SHCBP1L: variants seen among roughly 807,000 people sequenced by gnomAD.
SHCBP1L encodes the protein SHC binding and spindle associated 1 like.
In SHCBP1L, 67 loss-of-function variants were observed where a neutral mutation model predicts 62.5. The ratio of observed to expected loss-of-function variants is 1.07; its 90% CI spans 0.88 to 1.31. The LOEUF is 1.31. Among genes scored for constraint, SHCBP1L ranks in the 40% most tolerant of loss-of-function variants. SHCBP1L has a pLI of 0.00. For synonymous variants in SHCBP1L, 284 were observed against 289.4 expected (o/e 0.98, Z 0.19); for missense variants, 823 against 809.8 (o/e 1.02, Z -0.20).
intron 2 of SHCBP1L, among the ~76,000 whole-genome samples, chr1:182,941,056 A>G (rs567502838): frequency 2.0e-5 from 3 of 152,294 alleles, no homozygotes; most frequent in Non-Finnish European, 1.5e-5. Flanking sequence ...TTGCCATAAA[A>G]GCATGTTAAA....
intron 1 of SHCBP1L, chr1:182,952,132 G>A (rs1651763863): frequency 9.4e-6 from 1 of 106,092 alleles, no homozygotes; most frequent in East Asian, 3.2e-4. Flanking sequence ...TCCGGCATGG[G>A]CAACAAGAAT....
chr1:182,931,264 T>A (rs1650988839), intron 5 of SHCBP1L, among the ~76,000 whole-genome samples: 1 of 152,092 alleles, frequency 6.6e-6, no homozygotes, highest in African/African-American at 2.4e-5. Flanking sequence ...TTTTTTGCTA[T>A]ATACCAGTTA....
chr1:182,929,653 A>G lies in SHCBP1L; in HGVS notation c.1176T>C (p.Thr392=), dbSNP rs978148549. Residue 392 remains threonine (T), a synonymous_variant, in exon 6 of 10, where the codon ACT becomes ACC. Coordinates refer to ENST00000367547, the MANE Select transcript of SHCBP1L (RefSeq NM_030933.4). ...AGAATAGTTTATTTCTTACCATTTC[A>G]GTAGTCATCATTTTTGCTACAATAT... ...ITHIVAKMMT[T]EMIKDLSSDT... The G allele has an allele frequency of 3.2e-6, 5 of 1,545,022 alleles. No individual in the cohort carries two copies. The highest frequency in any genetic ancestry group is 4.3e-5 in the Admixed American group (2 of 46,540).
intron 6 of SHCBP1L, among the ~76,000 whole-genome samples, chr1:182,913,903 C>T (rs1255623384): frequency 6.6e-6 from 1 of 152,186 alleles, no homozygotes; most frequent in Admixed American, 6.5e-5. Context: ...ATTGCTTGAA[C>T]CTGGGAGGCA....
At chr1:182,936,634 A>G (rs1358428932) in intron 5 of SHCBP1L, among the ~76,000 whole-genome samples, 1 of 152,140 alleles carries the variant, frequency 6.6e-6, no homozygotes, top group Admixed American at 6.6e-5. Context: ...GAGTATTCCA[A>G]TTCTATCCTC....
intron 2 of SHCBP1L, chr1:182,942,170 C>T: frequency 9.5e-7 from 1 of 1,057,632 alleles, no homozygotes; most frequent in Non-Finnish European, 1.5e-6. Flanking sequence ...TTTCGTTTCC[C>T]CATTTTCTGC....
chr1:182,920,903 G>A (rs1650508758), intron 6 of SHCBP1L, among the ~76,000 whole-genome samples: 2 of 152,094 alleles, frequency 1.3e-5, no homozygotes, highest in South Asian at 2.1e-4. Context: ...CCAAACCTAC[G>A]ACTCATTGGC....
At chr1:182,900,823 A>C (rs915569971) in intron 9 of SHCBP1L, among the ~76,000 whole-genome samples, 3 of 152,138 alleles carry the variant, frequency 2.0e-5, no homozygotes, top group South Asian at 2.1e-4. Flanking sequence ...GCTTGAGCCC[A>C]GGAGTTCGAG....
chr1:182,918,642 G>A (rs1650433825), intron 6 of SHCBP1L, among the ~76,000 whole-genome samples: 1 of 151,864 alleles, frequency 6.6e-6, no homozygotes, highest in Non-Finnish European at 1.5e-5. Context: ...TTTTTTTGAA[G>A]AAATGAACAT....
chr1:182,902,172 A>C (rs1448098520), intron 9 of SHCBP1L, among the ~76,000 whole-genome samples: 1 of 148,172 alleles, frequency 6.7e-6, no homozygotes, highest in Non-Finnish European at 1.5e-5. Context: ...GCCTCAGCCT[A>C]CTGAATAGCT....
Position 182,914,663 on chromosome 1 carries a change from T to TA in SHCBP1L, c.1183-9015dup, listed in dbSNP as rs528372186. ...TGTGGAGTAAATCAAAATGGTACAC[T>TA]AAAAAAAAAATCATAAAACACAAAA... is the stretch of plus-strand genomic sequence containing the variant. On this transcript the variant is annotated intron_variant, in intron 6 of 9. Transcript: ENST00000367547. Among the ~76,000 whole-genome samples, 37 of 146,144 alleles carry TA rather than the reference T, an allele frequency of 2.5e-4. 1 individual carries two copies. The highest frequency in any genetic ancestry group is 1.5e-3 in the South Asian group (7 of 4,546).
chr1:182,918,835 A>G (rs1019124955), intron 6 of SHCBP1L, among the ~76,000 whole-genome samples: 1 of 152,198 alleles, frequency 6.6e-6, no homozygotes, highest in Non-Finnish European at 1.5e-5. Flanking sequence ...CTGAAAATCC[A>G]GAAATAAACC....
chr1:182,908,191 T>G (rs1369601941), intron 6 of SHCBP1L, among the ~76,000 whole-genome samples: 1 of 138,296 alleles, frequency 7.2e-6, no homozygotes, highest in Non-Finnish European at 1.6e-5. Flanking sequence ...ATGTGCAGGG[T>G]TTACTATGTT....
intron 2 of SHCBP1L, among the ~76,000 whole-genome samples, chr1:182,946,931 T>C (rs1018555623): frequency 2.0e-5 from 3 of 152,144 alleles, no homozygotes; most frequent in African/African-American, 4.8e-5. Flanking sequence ...ATCTAGAATA[T>C]ATGGTGCAAA....
At chr1:182,951,787 C>T (rs185221134) in intron 1 of SHCBP1L, 209 of 218,564 alleles carry the variant, frequency 9.6e-4, no homozygotes, top group Middle Eastern at 1.9e-3. Flanking sequence ...TCTTCTGCTA[C>T]AACTTAAAAA....
chr1:182,921,828 C>A (rs1650538332), intron 6 of SHCBP1L, among the ~76,000 whole-genome samples: 1 of 152,118 alleles, frequency 6.6e-6, no homozygotes, highest in Non-Finnish European at 1.5e-5. Context: ...GCAGAGAATG[C>A]AGTGAGCTGA....
At chr1:182,939,096 A>G (rs1651268414) in intron 5 of SHCBP1L, 80 bp downstream of exon 5, 2 of 1,123,290 alleles carry the variant, frequency 1.8e-6, no homozygotes, top group Non-Finnish European at 2.5e-6. Context: ...TAATCAGAAC[A>G]TATACCACAA....
At chr1:182,940,290 T>G in intron 3 of SHCBP1L, 39 bp downstream of exon 3, 1 of 1,532,216 alleles carries the variant, frequency 6.5e-7, no homozygotes, top group Non-Finnish European at 8.9e-7. Flanking sequence ...AACTTTTGGA[T>G]ATAATAAATT....
chr1:182,930,727 ATTTTTTTTTTTT>A (rs71127328), intron 5 of SHCBP1L, among the ~76,000 whole-genome samples: 2 of 20,942 alleles, frequency 9.6e-5, no homozygotes, highest in Admixed American at 9.9e-4. Flanking sequence ...ATATATATGT[ATTTTTTTTTTTT>A]TTTTTTTTTT....
Sources: gnomAD v4.1 joint callset for allele counts (sites outside exome capture counted in the v4.1 genomes callset) on GRCh38, gnomAD v4.1.1 for gene constraint, MANE v1.5 for transcripts, NCBI Gene and HGNC (gene_info 2026-07-23, HGNC 2026-07-21) for gene names.